CFAP77: variants seen among roughly 807,000 people sequenced by gnomAD.
CFAP77 encodes the protein cilia and flagella associated protein 77, also known as cilia- and flagella-associated protein 77.
CFAP77 carries 25 observed loss-of-function variants against 31.1 expected under a neutral mutation model. That is an observed-to-expected ratio of 0.80 (90% CI 0.59 to 1.12). The LOEUF (loss-of-function observed/expected upper bound fraction) is 1.12. CFAP77 is among the 50% of genes most tolerant of loss of function. The pLI is 0.00. For missense variants in CFAP77, 377 were observed against 397.3 expected, an observed-to-expected ratio of 0.95 and a Z score of 0.44; for synonymous variants, 151 against 159.9, an observed-to-expected ratio of 0.94 and a Z score of 0.42.
At chr9:132,437,868 C>A (rs1850537786) in intron 1 of CFAP77, among the ~76,000 whole-genome samples, 1 of 150,718 alleles carries the variant, frequency 6.6e-6, no homozygotes, top group Non-Finnish European at 1.5e-5. Flanking sequence ...ATAGTAATTT[C>A]ACCATATAGC....
In CFAP77 at chr9:132,552,978, TAGTC is replaced by T. The variant is rs1366692433; in HGVS notation, c.732+9934_732+9937del. On this transcript the variant is annotated intron_variant, in intron 5 of 5. Transcript: ENST00000393216. This position sits in a 1 kb window ranked among gnomAD's most constrained non-coding sequence, Gnocchi z 5.5. ...CCCTAAGGCTTATGAACTTCTGTCT[TAGTC>T]AGGCTGCTCTAACAAAATCCCATAG... Among the ~76,000 whole-genome samples the T allele has an allele frequency of 6.6e-6, 1 of 152,208 alleles. No homozygotes were observed. The highest frequency in any genetic ancestry group is 2.4e-5 in the African/African-American group (1 of 41,464).
Position 132,486,083 on chromosome 9 carries a change from TA to T in CFAP77, c.196-12611del, listed in dbSNP as rs1214978652. Among the ~76,000 whole-genome samples the T allele has an allele frequency of 4.7e-3, 111 of 23,672 alleles. 17 individuals are homozygous for T. Among genetic ancestry groups the T allele is most frequent in the South Asian group, 8.0e-3 (4 of 500 alleles). The allele number at this position is 23,672 out of a possible 152,430, so 15.5% of individuals were successfully genotyped here. A position where few individuals can be genotyped will look rare whatever the true frequency, so the allele number is the denominator to read the frequency against. ...GTGTGTGTGTATATATATATATATA[TA>T]TATATATTTTTTTTTTTTTTTTTTT... On this transcript the variant is annotated intron_variant, in intron 1 of 5. Transcript: ENST00000393216.
rs111689303 is a variant in CFAP77, at chr9:132,511,417, T to C, written c.524+11817T>C. Among the ~76,000 whole-genome samples the C allele has an allele frequency of 3.9e-5, 6 of 152,216 alleles. No homozygotes were observed. Among genetic ancestry groups the C allele is most frequent in the African/African-American group, 1.4e-4 (6 of 41,452 alleles). On this transcript the variant is annotated intron_variant, in intron 3 of 5. Coordinates refer to ENST00000393216, the MANE Select transcript of CFAP77 (RefSeq NM_001282957.2). The surrounding 1 kb of genome is among the most constrained non-coding windows in gnomAD (Gnocchi z 5.8). The stretch of plus-strand genomic sequence containing the variant: ...GAGGCCACCCTGTGTGGCCACTGCC[T>C]GCAGACCTGAGCATCTCCCCCACCA...
intron 1 of CFAP77, among the ~76,000 whole-genome samples, chr9:132,492,711 C>T (rs1049073391): frequency 1.3e-5 from 2 of 152,128 alleles, no homozygotes; most frequent in Admixed American, 6.5e-5. Context: ...ACAGGGGAGC[C>T]GGGCATGTGG....
chr9:132,459,597 A>G (rs975262141), intron 1 of CFAP77, among the ~76,000 whole-genome samples: 11 of 144,184 alleles, frequency 7.6e-5, no homozygotes, highest in Non-Finnish European at 1.4e-4. Context: ...GTATATATAT[A>G]TGCCTGTATA....
chr9:132,487,726 G>A (rs1025052568), intron 1 of CFAP77, among the ~76,000 whole-genome samples: 3 of 145,604 alleles, frequency 2.1e-5, no homozygotes, highest in South Asian at 2.1e-4. Context: ...TGGCTTTTTC[G>A]TATCATTATG....
At chr9:132,548,082 G>A (rs1044548545) in intron 5 of CFAP77, among the ~76,000 whole-genome samples, 9 of 152,178 alleles carry the variant, frequency 5.9e-5, no homozygotes, top group Admixed American at 3.9e-4. Flanking sequence ...TCAAGTACAC[G>A]TTAGGAGACC....
chr9:132,410,596 T>TG lies in CFAP77; in HGVS notation c.195+132dup, dbSNP rs1368706757. On this transcript the variant is annotated intron_variant, in intron 1 of 5. Transcript: ENST00000393216. ...AGCGCAGCGTGGGAAGCTCCAGCTC[T>TG]GGTCCAGACAGGCCTGGACCCCCAT... The TG allele has an allele frequency of 5.0e-6, 4 of 797,128 alleles. No homozygotes were observed. The African/African-American group carries it at 7.5e-5, about 15-fold the overall frequency. The allele number at this position is 797,128 out of a possible 1,614,324, so 49.4% of individuals were successfully genotyped here.
intron 1 of CFAP77, among the ~76,000 whole-genome samples, chr9:132,487,347 G>A (rs115242817): frequency 0.02 from 2,972 of 152,018 alleles, 45 homozygotes; most frequent in East Asian, 0.052. Context: ...ATGACCCCTC[G>A]CCCCCCAGCC....
rs375100366 is a variant in CFAP77, at chr9:132,516,847, G to A, written c.524+17247G>A. On this transcript the variant is annotated intron_variant, in intron 3 of 5. Transcript: ENST00000393216. ...ATTTAGTGGTAGCTTTGGTACCCAC[G>A]GGCAATGTTATAATCGCTTGTTAGA... Among the ~76,000 whole-genome samples, 23 of 152,144 alleles carry A rather than the reference G, an allele frequency of 1.5e-4. No homozygotes were observed. The East Asian group carries it at 3.7e-3, about 24-fold the overall frequency.
intron 5 of CFAP77, among the ~76,000 whole-genome samples, chr9:132,570,618 G>A (rs558632043): frequency 8.5e-4 from 130 of 152,250 alleles, no homozygotes; most frequent in African/African-American, 3.1e-3. Flanking sequence ...AGAGGAAAAG[G>A]GCCCATGGCT....
chr9:132,414,277 G>T (rs1298293781), intron 1 of CFAP77, among the ~76,000 whole-genome samples: 1 of 152,200 alleles, frequency 6.6e-6, no homozygotes, highest in African/African-American at 2.4e-5. Context: ...TTGAAGGTTT[G>T]TCAAGTGCCC....
At chr9:132,444,757 G>A (rs1331652117) in intron 1 of CFAP77, among the ~76,000 whole-genome samples, 3 of 152,012 alleles carry the variant, frequency 2.0e-5, no homozygotes, top group Non-Finnish European at 4.4e-5. Flanking sequence ...AGTAAAATAT[G>A]CGTGACCTAA....
rs139554313 is a variant in CFAP77 at position 132,540,233 on chromosome 9, A to G, written c.630+2527A>G. ...GCATGAGCCACTGTGCCAGGCTTAG[A>G]GCTGGGAGTTTTAATTAGCAGGTAT... On this transcript the variant is annotated intron_variant, in intron 4 of 5. Transcript: ENST00000393216. Among the ~76,000 whole-genome samples, 4 of 152,230 alleles carry G rather than the reference A, an allele frequency of 2.6e-5. No individual in the cohort carries two copies. In the East Asian group the frequency reaches 7.7e-4, roughly 29 times the overall value.
intron 1 of CFAP77, among the ~76,000 whole-genome samples, chr9:132,433,971 TAAA>T (rs1229342874): frequency 5.4e-5 from 7 of 129,924 alleles, no homozygotes; most frequent in Non-Finnish European, 4.9e-5. Context: ...ACCCCATGTG[TAAA>T]AAAAAAAAAA....
intron 3 of CFAP77, among the ~76,000 whole-genome samples, chr9:132,514,830 G>A (rs1340126676): frequency 2.6e-5 from 4 of 152,274 alleles, no homozygotes; most frequent in African/African-American, 7.2e-5. Context: ...GGAGACAGGC[G>A]GGGCCTCAGT....
chr9:132,416,613 G>T (rs1456110968), intron 1 of CFAP77, among the ~76,000 whole-genome samples: 1 of 150,134 alleles, frequency 6.7e-6, no homozygotes, highest in African/African-American at 2.5e-5. Context: ...AAAGTGCTGG[G>T]ATTACAGGCG....
In CFAP77 at chr9:132,497,702, G is replaced by A. The variant is rs952342994; in HGVS notation, c.196-993G>A. ...GTGCCTCAGCTTCCCCCTGAGAAAC[G>A]GGGATGGTAATGAGACCTGCCTCAC... On this transcript the variant is annotated intron_variant, in intron 1 of 5. Coordinates refer to ENST00000393216, the MANE Select transcript of CFAP77 (RefSeq NM_001282957.2). This position sits in a 1 kb window ranked among gnomAD's most constrained non-coding sequence, Gnocchi z 4.9. 6.6e-6 allele frequency among the ~76,000 whole-genome samples: 1 copy of A among 152,260 alleles called. No homozygotes were observed. The highest frequency in any genetic ancestry group is 2.1e-4 in the South Asian group (1 of 4,822).
Position 132,497,304 on chromosome 9 carries a change from G to A in CFAP77, c.196-1391G>A, listed in dbSNP as rs1356198861. On this transcript the variant is annotated intron_variant, in intron 1 of 5. Transcript: ENST00000393216. This position sits in a 1 kb window ranked among gnomAD's most constrained non-coding sequence, Gnocchi z 4.9. Reference sequence around the variant, plus strand: ...CTGTCTACCTCTCAGCACCCAGCCTGTGGGAGCTGGAGAGAGGGGGATATA... The same window carrying A: ...CTGTCTACCTCTCAGCACCCAGCCTATGGGAGCTGGAGAGAGGGGGATATA... Among the ~76,000 whole-genome samples the A allele has an allele frequency of 6.6e-6, 1 of 152,332 alleles. No homozygotes were observed. Among genetic ancestry groups the A allele is most frequent in the East Asian group, 1.9e-4 (1 of 5,180 alleles).
Sources: allele counts gnomAD v4.1 joint callset (sites outside exome capture counted in the v4.1 genomes callset), GRCh38; gene constraint gnomAD v4.1.1; non-coding constraint Gnocchi (gnomAD v3.1); transcripts MANE v1.5; gene names NCBI Gene and HGNC (gene_info 2026-07-23, HGNC 2026-07-21).